Variants in ZFHX3 observed in about 807,000 individuals in gnomAD.
ZFHX3 encodes the protein zinc finger homeobox 3.
A neutral mutation model predicts 279.1 loss-of-function variants in ZFHX3; 42 were observed. The observed-to-expected ratio is 0.15, with a 90% confidence interval of 0.12 to 0.19. The LOEUF (loss-of-function observed/expected upper bound fraction) is 0.19. ZFHX3 is among the 10% of genes least tolerant of loss of function. The pLI, the probability that ZFHX3 is intolerant of heterozygous loss-of-function variation, is 1.00. For synonymous variants in ZFHX3, 2,293 were observed against 1,957.8 expected, an observed-to-expected ratio of 1.17 and a Z score of -4.52; for missense variants, 4,981 against 4,754.0, an observed-to-expected ratio of 1.05 and a Z score of -1.40.
At chr16:73,591,746 G>A (rs989833957) in intron 2 of ZFHX3, among the ~76,000 whole-genome samples, 1 of 149,850 alleles carries the variant, frequency 6.7e-6, no homozygotes, top group Non-Finnish European at 1.5e-5. Flanking sequence ...GAGGGATGGG[G>A]AATCTACAGA....
At chr16:73,516,287 C>T (rs151325726) in intron 2 of ZFHX3, among the ~76,000 whole-genome samples, 20 of 152,244 alleles carry the variant, frequency 1.3e-4, no homozygotes, top group African/African-American at 1.9e-4. Context: ...TACATCCTAC[C>T]GTGGCTGATG....
chr16:73,549,264 T>C (rs765360802), intron 2 of ZFHX3, among the ~76,000 whole-genome samples: 3 of 152,130 alleles, frequency 2.0e-5, no homozygotes, highest in Non-Finnish European at 4.4e-5. Context: ...AAAAACAGCA[T>C]TATTAGTAAG....
intron 8 of ZFHX3, among the ~76,000 whole-genome samples, chr16:73,072,536 A>G (rs901776116): frequency 3.3e-5 from 5 of 151,804 alleles, no homozygotes; most frequent in African/African-American, 1.2e-4. Context: ...ATGTTAATAT[A>G]GTACCTGCCT....
At chr16:73,794,788 AG>A (rs1402042435) in intron 1 of ZFHX3, among the ~76,000 whole-genome samples, 1 of 152,194 alleles carries the variant, frequency 6.6e-6, no homozygotes, top group Non-Finnish European at 1.5e-5. Flanking sequence ...TCATTTAAAT[AG>A]GGTTTACATA....
At chr16:73,810,578 T>G (rs1960399220) in intron 1 of ZFHX3, among the ~76,000 whole-genome samples, 2 of 152,220 alleles carry the variant, frequency 1.3e-5, no homozygotes, top group African/African-American at 2.4e-5. Context: ...TTTCACACAT[T>G]CATTATCTTA....
At chr16:72,826,909 A>G (rs977174485) in intron 5 of ZFHX3, among the ~76,000 whole-genome samples, 3 of 152,162 alleles carry the variant, frequency 2.0e-5, no homozygotes, top group African/African-American at 7.2e-5. Flanking sequence ...TAGCATGTCC[A>G]CTAGTGCTGT....
chr16:73,761,916 G>A (rs1026902717), intron 1 of ZFHX3, among the ~76,000 whole-genome samples: 2 of 152,070 alleles, frequency 1.3e-5, no homozygotes, highest in African/African-American at 2.4e-5. Flanking sequence ...TCAGGACATA[G>A]GCACGGGTAA....
intron 3 of ZFHX3, among the ~76,000 whole-genome samples, chr16:72,944,730 A>G (rs957417021): frequency 2.6e-5 from 4 of 152,198 alleles, no homozygotes; most frequent in African/African-American, 9.6e-5. Context: ...TTTTATTACT[A>G]GCTTACACTT....
At chr16:73,887,033 C>T (rs1027712471) in intron 1 of ZFHX3, among the ~76,000 whole-genome samples, 2 of 152,196 alleles carry the variant, frequency 1.3e-5, no homozygotes, top group Admixed American at 1.3e-4. Flanking sequence ...CTTCTGCCTT[C>T]AGTCAAAAAT....
At chr16:73,420,408 C>G (rs2017694680) in intron 3 of ZFHX3, among the ~76,000 whole-genome samples, 1 of 152,168 alleles carries the variant, frequency 6.6e-6, no homozygotes. Flanking sequence ...CAGGGGACAT[C>G]TGGCAACGTC....
At chr16:73,460,555 A>G (rs569919709) in intron 2 of ZFHX3, among the ~76,000 whole-genome samples, 1 of 152,244 alleles carries the variant, frequency 6.6e-6, no homozygotes, top group South Asian at 2.1e-4. Flanking sequence ...AAACTCCCAA[A>G]TTGTTTTCTA....
At chr16:72,928,108 G>GGGGAGGGGGAGCGGAGAGA (rs1959562644) in intron 3 of ZFHX3, among the ~76,000 whole-genome samples, 2 of 76,456 alleles carry the variant, frequency 2.6e-5, no homozygotes, top group Non-Finnish European at 5.7e-5. Flanking sequence ...GATGGGGGGA[G>GGGGAGGGGGAGCGGAGAGA]GGGAGGGGGA....
chr16:73,345,490 T>G (rs2016107194), intron 3 of ZFHX3, among the ~76,000 whole-genome samples: 1 of 148,910 alleles, frequency 6.7e-6, no homozygotes, highest in South Asian at 2.1e-4. Context: ...GAACATGCAG[T>G]GTTTCTTTTT....
At chr16:73,786,094 C>T (rs1959635991) in intron 1 of ZFHX3, among the ~76,000 whole-genome samples, 1 of 152,108 alleles carries the variant, frequency 6.6e-6, no homozygotes. Flanking sequence ...TGGTCTCGAA[C>T]TCCCGACCTC....
At chr16:73,385,552 G>A (rs61106429) in intron 3 of ZFHX3, among the ~76,000 whole-genome samples, 2,364 of 152,316 alleles carry the variant, frequency 0.016, 63 homozygotes, top group African/African-American at 0.054. Flanking sequence ...CTGGGAAAGG[G>A]TTCAGGAATC....
At position 73,784,797 on chromosome 16, in the gene ZFHX3, AT is replaced by A. The variant is rs1225334321; in HGVS notation, c.-1607-104558del. The stretch of plus-strand genomic sequence containing the variant: ...TATTTTTAACAAAATAAAAAAAAAA[AT>A]ATATATATATATATATATACACACA... On this transcript the variant is annotated intron_variant, in intron 1 of 17. Transcript: ENST00000641206. Among the ~76,000 whole-genome samples, 336 of 78,118 alleles carry A rather than the reference AT, an allele frequency of 4.3e-3. 3 individuals are homozygous for A. The highest frequency in any genetic ancestry group is 0.013 in the Middle Eastern group (2 of 154). 51.2% of individuals were successfully genotyped at this position (78,118 alleles called of 152,430 possible).
chr16:73,537,057 A>G (rs2019914532), intron 2 of ZFHX3, among the ~76,000 whole-genome samples: 1 of 152,190 alleles, frequency 6.6e-6, no homozygotes, highest in African/African-American at 2.4e-5. Flanking sequence ...GCAATAAGTT[A>G]TCTATTTCAT....
intron 3 of ZFHX3, among the ~76,000 whole-genome samples, chr16:73,419,288 A>C (rs2017667402): frequency 6.6e-6 from 1 of 152,220 alleles, no homozygotes; most frequent in Non-Finnish European, 1.5e-5. Flanking sequence ...GCTATTATTT[A>C]TTGATATGGA....
chr16:73,011,425 C>A (rs567395829), intron 1 of ZFHX3, among the ~76,000 whole-genome samples: 1 of 152,206 alleles, frequency 6.6e-6, no homozygotes, highest in Admixed American at 6.5e-5. Context: ...AGCCACCACA[C>A]CCAGCAACAC....
Sources: allele counts gnomAD v4.1 joint callset (sites outside exome capture counted in the v4.1 genomes callset), GRCh38; gene constraint gnomAD v4.1.1; transcripts MANE v1.5; gene names NCBI Gene and HGNC (gene_info 2026-07-23, HGNC 2026-07-21).